Variants in ARHGEF3 observed in about 807,000 individuals in gnomAD.
The protein encoded by ARHGEF3 is Rho guanine nucleotide exchange factor 3.
ARHGEF3 carries 28 observed loss-of-function variants against 63.2 expected under a neutral mutation model. That is an observed-to-expected ratio of 0.44 (90% CI 0.33 to 0.61). ARHGEF3 has a LOEUF of 0.61. Ranked by LOEUF, ARHGEF3 falls within the 20% of genes least tolerant of loss-of-function variation. The probability of loss-of-function intolerance (pLI) is 0.03; values close to 1 mark genes in which losing one functional copy is unlikely to be tolerated. For missense variants in ARHGEF3, 533 were observed against 659.3 expected (o/e 0.81, Z 2.10); for synonymous variants, 266 against 254.2 (o/e 1.05, Z -0.44).
chr3:56,890,630 A>G (rs1011364197), intron 3 of ARHGEF3, among the ~76,000 whole-genome samples: 12 of 152,320 alleles, frequency 7.9e-5, no homozygotes, highest in African/African-American at 2.2e-4. Flanking sequence ...CAGGTCCCAG[A>G]GGACTATCCA....
At chr3:57,028,806 A>G (rs1703595778) in intron 2 of ARHGEF3, among the ~76,000 whole-genome samples, 1 of 152,040 alleles carries the variant, frequency 6.6e-6, no homozygotes, top group Non-Finnish European at 1.5e-5. Context: ...GAGCCAATGT[A>G]TATAAAAAGC....
chr3:56,840,585 C>T (rs1390256385), intron 4 of ARHGEF3, among the ~76,000 whole-genome samples: 1 of 152,168 alleles, frequency 6.6e-6, no homozygotes, highest in Non-Finnish European at 1.5e-5. Context: ...TGAGTAAGCA[C>T]CATAAACAAT....
At chr3:57,050,894 C>G (rs890613079) in intron 1 of ARHGEF3, among the ~76,000 whole-genome samples, 1 of 152,240 alleles carries the variant, frequency 6.6e-6, no homozygotes, top group Non-Finnish European at 1.5e-5. Flanking sequence ...ACCAAGGATA[C>G]TCACTGCAGC....
intron 4 of ARHGEF3, among the ~76,000 whole-genome samples, chr3:56,751,896 AAAC>A (rs1029454375): frequency 6.6e-6 from 1 of 152,204 alleles, no homozygotes; most frequent in African/African-American, 2.4e-5. Context: ...AGAGAAAATT[AAAC>A]AACAAGAATA....
At chr3:56,872,088 A>G (rs982084418) in intron 4 of ARHGEF3, among the ~76,000 whole-genome samples, 11 of 152,202 alleles carry the variant, frequency 7.2e-5, no homozygotes, top group African/African-American at 2.2e-4. Flanking sequence ...TCTAACCACA[A>G]ATTTGTTTTT....
chr3:57,058,857 C>T (rs1705060055), intron 1 of ARHGEF3, among the ~76,000 whole-genome samples: 1 of 151,814 alleles, frequency 6.6e-6, no homozygotes, highest in Admixed American at 6.6e-5. Context: ...ATGGATGAAG[C>T]TGGAAACTAT....
intron 1 of ARHGEF3, among the ~76,000 whole-genome samples, chr3:57,067,312 G>A (rs1475452155): frequency 2.0e-5 from 3 of 151,644 alleles, no homozygotes; most frequent in Admixed American, 6.6e-5. Flanking sequence ...AAAATTAGCC[G>A]GGCGTGGTGG....
At chr3:56,883,492 T>C (rs1196279744) in intron 3 of ARHGEF3, among the ~76,000 whole-genome samples, 1 of 152,076 alleles carries the variant, frequency 6.6e-6, no homozygotes, top group Non-Finnish European at 1.5e-5. Flanking sequence ...AGAGGGGGTC[T>C]TGCCATGTTG....
chr3:56,947,644 T>C (rs1489168181), intron 3 of ARHGEF3, among the ~76,000 whole-genome samples: 2 of 152,108 alleles, frequency 1.3e-5, no homozygotes, highest in African/African-American at 4.8e-5. Context: ...CTTAGAGACC[T>C]AGAAAGAGAC....
chr3:57,023,410 C>CA (rs1251857590), intron 2 of ARHGEF3, among the ~76,000 whole-genome samples: 3 of 152,252 alleles, frequency 2.0e-5, no homozygotes. Flanking sequence ...ACAATACCCC[C>CA]AGCTGGTTAC....
intron 3 of ARHGEF3, among the ~76,000 whole-genome samples, chr3:56,934,778 C>T (rs530210832): frequency 6.6e-6 from 1 of 152,352 alleles, no homozygotes; most frequent in African/African-American, 2.4e-5. Flanking sequence ...GCGGCCCCAG[C>T]CTCCCCGACG....
chr3:57,060,178 G>A (rs1178112557), intron 1 of ARHGEF3, among the ~76,000 whole-genome samples: 3 of 151,668 alleles, frequency 2.0e-5, no homozygotes, highest in African/African-American at 4.8e-5. Context: ...AAATTAGCTG[G>A]GTGTGTGACA....
intron 2 of ARHGEF3, among the ~76,000 whole-genome samples, chr3:57,014,771 C>T (rs1044388719): frequency 2.0e-5 from 3 of 151,920 alleles, no homozygotes; most frequent in Admixed American, 6.6e-5. Flanking sequence ...AGCTCCACCT[C>T]CCAGGCTCAG....
At chr3:56,800,642 G>C (rs1317915635) in intron 1 of ARHGEF3, among the ~76,000 whole-genome samples, 1 of 152,220 alleles carries the variant, frequency 6.6e-6, no homozygotes, top group Non-Finnish European at 1.5e-5. Flanking sequence ...CAGACCCAAG[G>C]AAGGCGAGTG....
chr3:56,999,450 G>T (rs1344010418), intron 2 of ARHGEF3, among the ~76,000 whole-genome samples: 2 of 152,148 alleles, frequency 1.3e-5, no homozygotes, highest in African/African-American at 4.8e-5. Flanking sequence ...TACTATTAAA[G>T]AACACACTGT....
intron 2 of ARHGEF3, among the ~76,000 whole-genome samples, chr3:56,975,498 C>A (rs1247962558): frequency 6.6e-6 from 1 of 152,164 alleles, no homozygotes; most frequent in African/African-American, 2.4e-5. Context: ...AGACACTGTT[C>A]TGAATGCTAA....
intron 1 of ARHGEF3, among the ~76,000 whole-genome samples, chr3:56,781,179 G>A (rs1447124373): frequency 2.6e-5 from 4 of 152,046 alleles, no homozygotes; most frequent in Non-Finnish European, 2.9e-5. Flanking sequence ...CAGGAACTTG[G>A]AAGAAGAAAG....
At chr3:56,919,942 C>A (rs1393919693) in intron 3 of ARHGEF3, among the ~76,000 whole-genome samples, 1 of 152,186 alleles carries the variant, frequency 6.6e-6, no homozygotes, top group Non-Finnish European at 1.5e-5. Flanking sequence ...TCAGAAGACA[C>A]AGCGAGAAAC....
chr3:56,815,627 G>C (rs1020166945), intron 4 of ARHGEF3, among the ~76,000 whole-genome samples: 3 of 152,174 alleles, frequency 2.0e-5, no homozygotes, highest in African/African-American at 7.2e-5. Context: ...GAATTACTGA[G>C]GGAAAATGGA....
Sources: gnomAD v4.1 joint callset for allele counts (sites outside exome capture counted in the v4.1 genomes callset) on GRCh38, gnomAD v4.1.1 for gene constraint, MANE v1.5 for transcripts, NCBI Gene and HGNC (gene_info 2026-07-23, HGNC 2026-07-21) for gene names.